Variants in ZZEF1 observed in about 807,000 individuals in gnomAD.
The protein encoded by ZZEF1 is zinc finger ZZ-type and EF-hand domain containing 1.
In ZZEF1, 157 loss-of-function variants were observed where a neutral mutation model predicts 342.8. The observed-to-expected ratio is 0.46, with a 90% CI of 0.40 to 0.52. The LOEUF is 0.52. ZZEF1 is among the 20% of genes least tolerant of loss of function. The pLI, the probability that ZZEF1 is intolerant of heterozygous loss-of-function variation, is 0.00. For synonymous variants in ZZEF1, 1,505 were observed against 1,429.1 expected, an observed-to-expected ratio of 1.05 and a Z score of -1.20; for missense variants, 3,480 against 3,725.6, an observed-to-expected ratio of 0.93 and a Z score of 1.72.
At chr17:4,077,257 C>A (rs72827349) in intron 19 of ZZEF1, among the ~76,000 whole-genome samples, 2,524 of 152,248 alleles carry the variant, frequency 0.017, 37 homozygotes, top group Middle Eastern at 0.031. Flanking sequence ...CCATGCCTGA[C>A]TAACCCAGCT....
intron 45 of ZZEF1, chr17:4,020,072 G>GGCTAGCA (rs2056228945): frequency 1.1e-5 from 3 of 264,834 alleles, no homozygotes; most frequent in African/African-American, 6.9e-5. Context: ...CACGGCTAGC[G>GGCTAGCA]TCTCTATAAC....
chr17:4,076,977 A>C lies in ZZEF1; in HGVS notation c.3002T>G (p.Phe1001Cys), dbSNP rs2057635051. 6.2e-7 allele frequency: 1 copy of C among 1,613,656 alleles called. No homozygotes were observed. The highest frequency in any genetic ancestry group is 1.7e-5 in the Admixed American group (1 of 59,982). ...VDLIEKYVGQ[F>C]LASMRAILES... The stretch of plus-strand genomic sequence containing the variant: ...CAAAATCGCTCTCATGCTTGCCAGA[A>C]ACTGGCCCACATCTACCGAAACAAA... Residue 1001 changes from phenylalanine to cysteine, a missense_variant, in exon 20 of 55, where the codon TTT becomes TGT. Physicochemically the swap from Phe to Cys is radical, Grantham distance 205. Coordinates refer to ENST00000381638, the MANE Select transcript of ZZEF1 (RefSeq NM_015113.4).
rs142805698 is a variant in ZZEF1, at chr17:4,020,926, C to T, written c.7404+203G>A. ...GACCTAAAGCTTTTGAGTTTATAACCCAAAATATTAAGAACTATTGTTGTG... is the reference window on the plus strand; with the variant it reads ...GACCTAAAGCTTTTGAGTTTATAACTCAAAATATTAAGAACTATTGTTGTG... On this transcript the variant is annotated intron_variant, in intron 45 of 54. Transcript: ENST00000381638. Among the ~76,000 whole-genome samples the T allele has an allele frequency of 9.9e-5, 15 of 152,210 alleles. No individual in the cohort carries two copies. In the East Asian group the frequency reaches 1.7e-3, roughly 18 times the overall value.
At chr17:4,048,803 TC>T (rs2056981811) in intron 37 of ZZEF1, among the ~76,000 whole-genome samples, 1 of 151,644 alleles carries the variant, frequency 6.6e-6, no homozygotes, top group Non-Finnish European at 1.5e-5. Flanking sequence ...AACCTCCGCC[TC>T]CCGGGTTCAA....
intron 52 of ZZEF1, among the ~76,000 whole-genome samples, chr17:4,010,732 A>AAAAAAAAC (rs1345853916): frequency 1.3e-5 from 2 of 149,298 alleles, no homozygotes; most frequent in Non-Finnish European, 3.0e-5. Flanking sequence ...CTCAAAAAAA[A>AAAAAAAAC]AAAGAAAAAG....
At chr17:4,105,945 TAA>T in intron 6 of ZZEF1, 136 bp from the exon 7 acceptor site, 1 of 654,786 alleles carries the variant, frequency 1.5e-6, no homozygotes, top group Non-Finnish European at 2.5e-6. Flanking sequence ...GCACACAATA[TAA>T]ACTGGCCCTT....
rs986906392 is a variant in ZZEF1 at position 4,034,093 on chromosome 17, G to A, written c.6506C>T (p.Ala2169Val). 1.9e-6 allele frequency: 3 copies of A among 1,614,222 alleles called. No homozygotes were observed. The highest frequency in any genetic ancestry group is 1.7e-6 in the Non-Finnish European group (2 of 1,180,044). ...ATCTGGCACAATGGAACTGTCCCCTGCAGCAAACAGGTTGTGTTTGGCTGA... is the reference window on the plus strand; with the variant it reads ...ATCTGGCACAATGGAACTGTCCCCTACAGCAAACAGGTTGTGTTTGGCTGA... ...VLSAKHNLFAAGDSSIVPDGW... is the reference protein window; with the variant it reads ...VLSAKHNLFAVGDSSIVPDGW... The change falls in exon 40 of 55, where the codon GCA becomes GTA. Residue 2169 changes from alanine to valine, a missense_variant. By Grantham distance (64) the Ala-to-Val change is moderately conservative (BLOSUM62 0). Coordinates refer to ENST00000381638, the MANE Select transcript of ZZEF1 (RefSeq NM_015113.4).
rs1303375549 is a variant in ZZEF1, at chr17:4,105,710, G to A, written c.1377C>T (p.Phe459=). The A allele has an allele frequency of 8.7e-6, 14 of 1,612,808 alleles. No homozygotes were observed. The highest frequency in any genetic ancestry group is 1.2e-5 in the Non-Finnish European group (14 of 1,179,328). ...SPNVLEEVDS[F]LIRITSCCST... is the part of the protein sequence containing the mutation. ...GATTTTACCTAGTTATCCTTATGAGGAAACTGTCCACTTCTTCCAGCACAT... is the reference window on the plus strand; with the variant it reads ...GATTTTACCTAGTTATCCTTATGAGAAAACTGTCCACTTCTTCCAGCACAT... Residue 459 remains phenylalanine (F), a synonymous_variant, in exon 7 of 55, where the codon TTC becomes TTT. Coordinates refer to ENST00000381638, the MANE Select transcript of ZZEF1 (RefSeq NM_015113.4).
intron 14 of ZZEF1, 25 bp downstream of exon 14, chr17:4,087,409 C>T (rs1376812713): frequency 2.6e-6 from 4 of 1,561,974 alleles, no homozygotes; most frequent in Admixed American, 3.7e-5. Context: ...ATGTGCTTAT[C>T]ACCTTATAAC....
chr17:4,011,271 C>T (rs1051389185), intron 52 of ZZEF1, among the ~76,000 whole-genome samples: 14 of 151,950 alleles, frequency 9.2e-5, no homozygotes, highest in Middle Eastern at 3.2e-3. Context: ...GGTGTGGTGG[C>T]GTACACCTGT....
chr17:4,083,781 G>T (rs1205613673), intron 16 of ZZEF1, among the ~76,000 whole-genome samples: 2 of 152,014 alleles, frequency 1.3e-5, no homozygotes, highest in Non-Finnish European at 2.9e-5. Flanking sequence ...GGGACTACAG[G>T]CATGTGCCAC....
intron 37 of ZZEF1, among the ~76,000 whole-genome samples, chr17:4,047,708 C>T (rs1052852650): frequency 1.1e-4 from 16 of 150,004 alleles, no homozygotes; most frequent in African/African-American, 2.9e-4. Flanking sequence ...TTTGGGAGGC[C>T]GAGGCAGGCA....
chr17:4,052,067 C>T lies in ZZEF1; in HGVS notation c.5504G>A (p.Cys1835Tyr). ...MVNMEFTCDH[C>Y]QGLIIGRRMN... Reference sequence around the variant, plus strand: ...CCTCCGGCCTATGATCAAACCCTGGCAGTGGTCACAGGTAAACTCCATGTT... The same window carrying T: ...CCTCCGGCCTATGATCAAACCCTGGTAGTGGTCACAGGTAAACTCCATGTT... Residue 1835 changes from cysteine (C) to tyrosine (Y), a missense_variant, in exon 35 of 55, where the codon TGC (cysteine) becomes TAC (tyrosine). Physicochemically the swap from Cys to Tyr is radical, Grantham distance 194 (BLOSUM62 -2). Around this residue, in one of 5 missense-constraint regions of ZZEF1, gnomAD observed 175 missense variants for 254.6 expected, o/e 0.69. Transcript: ENST00000381638. 1.9e-6 allele frequency: 3 copies of T among 1,614,166 alleles called. No individual in the cohort carries two copies. The highest frequency in any genetic ancestry group is 1.7e-6 in the Non-Finnish European group (2 of 1,180,012).
chr17:4,057,502 G>A (rs796624178), intron 32 of ZZEF1, among the ~76,000 whole-genome samples: 4 of 152,036 alleles, frequency 2.6e-5, no homozygotes, highest in East Asian at 1.9e-4. Flanking sequence ...GGGCCAAATC[G>A]GAGGGAAAAA....
At chr17:4,131,356 C>T (rs909844925) in intron 1 of ZZEF1, among the ~76,000 whole-genome samples, 5 of 152,038 alleles carry the variant, frequency 3.3e-5, no homozygotes, top group Admixed American at 2.6e-4. Flanking sequence ...ACATATTGAA[C>T]GTTTCTGTTA....
intron 11 of ZZEF1, among the ~76,000 whole-genome samples, chr17:4,092,180 T>C (rs1399677123): frequency 6.6e-6 from 1 of 151,944 alleles, no homozygotes; most frequent in African/African-American, 2.4e-5. Context: ...CAGTCTGTGA[T>C]ATATAGCCAC....
rs185156810 is a variant in ZZEF1, at chr17:4,128,285, T to C, written c.355-4234A>G. 9.5e-4 allele frequency among the ~76,000 whole-genome samples: 127 copies of C among 134,202 alleles called. 1 individual carries two copies. The highest frequency in any genetic ancestry group is 3.3e-3 in the African/African-American group (116 of 35,210). The allele number at this position is 134,202 out of a possible 152,430, so 88.0% of individuals were successfully genotyped here. A position where few individuals can be genotyped will look rare whatever the true frequency, so the allele number is the denominator to read the frequency against. On this transcript the variant is annotated intron_variant, in intron 1 of 54. Coordinates refer to ENST00000381638, the MANE Select transcript of ZZEF1 (RefSeq NM_015113.4). Reference sequence around the variant, plus strand: ...ATCGCTTGAAGCCAGGAGGCAGAGGTTGCAGTGAGCTGAGATGGCGCCACC... The same window carrying C: ...ATCGCTTGAAGCCAGGAGGCAGAGGCTGCAGTGAGCTGAGATGGCGCCACC...
intron 3 of ZZEF1, among the ~76,000 whole-genome samples, chr17:4,115,027 T>C (rs980623221): frequency 6.6e-6 from 1 of 152,070 alleles, no homozygotes; most frequent in Non-Finnish European, 1.5e-5. Flanking sequence ...GTGCTTTTTT[T>C]TGTTGAGATT....
At chr17:4,099,278 G>A (rs1165132134) in intron 9 of ZZEF1, among the ~76,000 whole-genome samples, 5 of 152,104 alleles carry the variant, frequency 3.3e-5, no homozygotes, top group Admixed American at 6.6e-5. Flanking sequence ...AGGCTGGAGT[G>A]CAGTGGTACA....
Sources: allele counts gnomAD v4.1 joint callset (sites outside exome capture counted in the v4.1 genomes callset), GRCh38; gene constraint gnomAD v4.1.1; regional missense constraint gnomAD v4.1.1; transcripts MANE v1.5; gene names NCBI Gene and HGNC (gene_info 2026-07-23, HGNC 2026-07-21).